The following DOCK2 variants were observed in gnomAD, a reference collection of about 807,000 sequenced individuals.
DOCK2 encodes the protein dedicator of cytokinesis protein 2.
Under a neutral mutation model 248.9 loss-of-function variants are expected in DOCK2, and 87 were observed. The ratio of observed to expected loss-of-function variants is 0.35; its 90% confidence interval spans 0.29 to 0.42. The LOEUF is 0.42. DOCK2 is among the 10% of genes least tolerant of loss of function. The pLI is 1.00. For missense variants in DOCK2, 1,747 were observed against 2,300.2 expected (o/e 0.76, Z 4.92); for synonymous variants, 805 against 821.6 (o/e 0.98, Z 0.35).
chr5:169,894,729 A>G (rs1261118741), intron 27 of DOCK2, among the ~76,000 whole-genome samples: 2 of 152,244 alleles, frequency 1.3e-5, no homozygotes, highest in African/African-American at 4.8e-5. Context: ...GTAGGTGCTC[A>G]GTAAATGGTG....
Position 169,997,483 on chromosome 5 carries a change from CTA to C in DOCK2, c.3072+1321_3072+1322del, listed in dbSNP as rs1482494956. ...CCTTCCCACGAGGCCATATTTCAGA[CTA>C]TCACATGGGGAGAAACCTTGGACAA... On this transcript the variant is annotated intron_variant, in intron 30 of 51. Coordinates refer to ENST00000520908, the MANE Select transcript of DOCK2 (RefSeq NM_004946.3). 1.8e-4 allele frequency among the ~76,000 whole-genome samples: 25 copies of C among 138,366 alleles called. No homozygotes were observed. In the South Asian group the frequency reaches 4.7e-3, roughly 26 times the overall value. 90.8% of individuals were successfully genotyped at this position (138,366 alleles called of 152,430 possible).
chr5:169,732,045 G>T (rs1762802861), intron 22 of DOCK2, among the ~76,000 whole-genome samples: 1 of 152,244 alleles, frequency 6.6e-6, no homozygotes, highest in African/African-American at 2.4e-5. Flanking sequence ...CTTCAACCCG[G>T]GAGGCAGAAG....
intron 27 of DOCK2, among the ~76,000 whole-genome samples, chr5:169,954,378 A>G (rs969576151): frequency 6.6e-6 from 1 of 152,246 alleles, no homozygotes; most frequent in Non-Finnish European, 1.5e-5. Context: ...TAGACATTTA[A>G]TTAAGCTTTT....
At chr5:169,989,376 T>G (rs2113791629) in intron 29 of DOCK2, among the ~76,000 whole-genome samples, 1 of 152,332 alleles carries the variant, frequency 6.6e-6, no homozygotes, top group East Asian at 1.9e-4. Flanking sequence ...CTCTTCCATC[T>G]GCACCTCACT....
At chr5:169,732,101 A>G (rs1042491182) in intron 22 of DOCK2, among the ~76,000 whole-genome samples, 2 of 152,212 alleles carry the variant, frequency 1.3e-5, no homozygotes, top group African/African-American at 4.8e-5. Flanking sequence ...CCTGGGTGAC[A>G]GAGTGAGACC....
chr5:170,018,631 G>C (rs1423000884), intron 32 of DOCK2, among the ~76,000 whole-genome samples: 1 of 152,182 alleles, frequency 6.6e-6, no homozygotes, highest in African/African-American at 2.4e-5. Flanking sequence ...GCTGTGCTTT[G>C]CCATCTCTAA....
intron 27 of DOCK2, among the ~76,000 whole-genome samples, chr5:169,976,772 T>G (rs7724822): frequency 0.29 from 44,221 of 152,008 alleles, 7,309 homozygotes; most frequent in Middle Eastern, 0.39. Context: ...TGATCTGTCA[T>G]TAATGCCCAC....
chr5:169,759,655 C>G, intron 23 of DOCK2, 50 bp from the exon 24 acceptor site: 1 of 1,604,078 alleles, frequency 6.2e-7, no homozygotes, highest in Non-Finnish European at 8.5e-7. Flanking sequence ...TTTGCCAGCA[C>G]AGACTTGTTG....
intron 6 of DOCK2, among the ~76,000 whole-genome samples, chr5:169,679,622 T>G (rs139808853): frequency 0.01 from 1,544 of 152,354 alleles, 13 homozygotes; most frequent in Non-Finnish European, 0.015. Flanking sequence ...TTAAATTATG[T>G]ATCAGCGATG....
chr5:169,800,897 G>GAGACT (rs1227095890), intron 25 of DOCK2, among the ~76,000 whole-genome samples: 1 of 149,574 alleles, frequency 6.7e-6, no homozygotes, highest in Non-Finnish European at 1.5e-5. Context: ...CGGAGCCTGA[G>GAGACT]AGACTACATA....
chr5:169,671,869 A>G (rs1759065995), intron 5 of DOCK2, among the ~76,000 whole-genome samples: 1 of 152,250 alleles, frequency 6.6e-6, no homozygotes, highest in African/African-American at 2.4e-5. Flanking sequence ...TGGACATTTC[A>G]TAATATGAAG....
In DOCK2 at chr5:169,948,613, A is replaced by ATTTTTTTTTTTTTTTTTTTTTTT. The variant is rs772095719; in HGVS notation, c.2800-34438_2800-34437insTTTTTTTTTTTTTTTTTTTTTTT. 2.3e-4 allele frequency among the ~76,000 whole-genome samples: 31 copies of ATTTTTTTTTTTTTTTTTTTTTTT among 135,938 alleles called. 1 individual carries two copies. The South Asian group carries it at 6.7e-3, about 29-fold the overall frequency. The allele number at this position is 135,938 out of a possible 152,430, so 89.2% of individuals were successfully genotyped here. On this transcript the variant is annotated intron_variant, in intron 27 of 51. Coordinates refer to ENST00000520908, the MANE Select transcript of DOCK2 (RefSeq NM_004946.3). ...TTCTTATTCCTTCCTTCCACAATTA[A>ATTTTTTTTTTTTTTTTTTTTTTT]TTTTTTTTTTTTTTTTTAGAGACAG... is the stretch of plus-strand genomic sequence containing the variant.
intron 27 of DOCK2, among the ~76,000 whole-genome samples, chr5:169,852,101 T>C (rs1770649245): frequency 6.6e-6 from 1 of 151,294 alleles, no homozygotes; most frequent in Non-Finnish European, 1.5e-5. Context: ...GAGAGAGAAA[T>C]AGAGTTTGGA....
intron 4 of DOCK2, 96 bp from the exon 5 acceptor site, chr5:169,670,982 C>T: frequency 2.1e-6 from 2 of 959,470 alleles, no homozygotes; most frequent in Non-Finnish European, 3.2e-6. Flanking sequence ...CAGGAAGGCC[C>T]CTCCGCAGCT....
chr5:169,652,401 A>T (rs1474608430), intron 1 of DOCK2, among the ~76,000 whole-genome samples: 1 of 152,244 alleles, frequency 6.6e-6, no homozygotes, highest in Non-Finnish European at 1.5e-5. Context: ...GTCTGACTCC[A>T]GAGACAACTA....
chr5:169,767,713 T>C (rs1260717378), intron 25 of DOCK2, among the ~76,000 whole-genome samples: 1 of 152,196 alleles, frequency 6.6e-6, no homozygotes, highest in Non-Finnish European at 1.5e-5. Context: ...TGTATAACAG[T>C]ACTAACCATA....
At chr5:169,718,119 A>G (rs915669027) in intron 21 of DOCK2, among the ~76,000 whole-genome samples, 1 of 152,146 alleles carries the variant, frequency 6.6e-6, no homozygotes, top group African/African-American at 2.4e-5. Flanking sequence ...AAGAAAGTGC[A>G]CATGCCAAGT....
At chr5:169,661,733 T>C (rs1012532067) in intron 2 of DOCK2, among the ~76,000 whole-genome samples, 8 of 152,226 alleles carry the variant, frequency 5.3e-5, no homozygotes, top group Non-Finnish European at 8.8e-5. Flanking sequence ...GTGTCTGTCA[T>C]ATTTCACTTA....
intron 22 of DOCK2, among the ~76,000 whole-genome samples, chr5:169,725,511 CTTTT>C (rs34444388): frequency 0.34 from 51,959 of 151,140 alleles, 10,811 homozygotes; most frequent in East Asian, 0.67. Context: ...TATTATTTTT[CTTTT>C]TTAAAATTAT....
Sources: allele counts gnomAD v4.1 joint callset (sites outside exome capture counted in the v4.1 genomes callset), GRCh38; gene constraint gnomAD v4.1.1; transcripts MANE v1.5; gene names NCBI Gene and HGNC (gene_info 2026-07-23, HGNC 2026-07-21).